LRP11: variants seen among roughly 807,000 people sequenced by gnomAD.
LRP11 encodes the protein LDL receptor related protein 11, also known as low-density lipoprotein receptor-related protein 11.
A neutral mutation model predicts 43.1 loss-of-function variants in LRP11; 25 were observed. That is an observed-to-expected ratio of 0.58 (90% confidence interval 0.42 to 0.81). The LOEUF is 0.81. Ranked by LOEUF, LRP11 falls within the 30% of genes least tolerant of loss-of-function variation. The pLI, the probability that LRP11 is intolerant of heterozygous loss-of-function variation, is 0.00. For missense variants in LRP11, 623 were observed against 665.1 expected (o/e 0.94, Z 0.70); for synonymous variants, 316 against 299.4 (o/e 1.06, Z -0.57).
At chr6:149,863,361 G>A in intron 1 of LRP11, 47 bp downstream of exon 1, 2 of 1,308,242 alleles carry the variant, frequency 1.5e-6, no homozygotes, top group Non-Finnish European at 1.9e-6. Context: ...GGGCGCTGCG[G>A]GTCTCGAGCG....
chr6:149,826,104 G>A, intron 6 of LRP11, 160 bp downstream of exon 6: 1 of 667,384 alleles, frequency 1.5e-6, no homozygotes, highest in Non-Finnish European at 2.8e-6. Context: ...GGAGCCCCAA[G>A]ACGCAGTGCA....
At chr6:149,835,947 C>G in intron 5 of LRP11, 138 bp downstream of exon 5, 1 of 768,422 alleles carries the variant, frequency 1.3e-6, no homozygotes, top group Non-Finnish European at 2.1e-6. Flanking sequence ...TTTCCCCCCG[C>G]CTTTCTGGCC....
At chr6:149,842,259 A>G (rs935103806) in intron 3 of LRP11, among the ~76,000 whole-genome samples, 2 of 152,028 alleles carry the variant, frequency 1.3e-5, no homozygotes, top group East Asian at 1.9e-4. Context: ...TGTTTTTTTA[A>G]TATGTATTTT....
At chr6:149,844,250 CA>C (rs5880856) in intron 2 of LRP11, among the ~76,000 whole-genome samples, 4,212 of 124,962 alleles carry the variant, frequency 0.034, 88 homozygotes, top group African/African-American at 0.074. Context: ...GACTCCATCT[CA>C]AAAAAAAAAA....
intron 1 of LRP11, among the ~76,000 whole-genome samples, chr6:149,858,105 G>C (rs1161001701): frequency 2.0e-5 from 3 of 152,130 alleles, no homozygotes; most frequent in Non-Finnish European, 4.4e-5. Context: ...ACAACGTGCA[G>C]GTTTGTTACA....
At chr6:149,859,160 C>T (rs751844611) in intron 1 of LRP11, among the ~76,000 whole-genome samples, 7 of 151,904 alleles carry the variant, frequency 4.6e-5, no homozygotes, top group Non-Finnish European at 1.0e-4. Context: ...TAGCAATTTA[C>T]ACCATCGGTG....
chr6:149,848,759 G>C (rs1481983927), intron 2 of LRP11, among the ~76,000 whole-genome samples: 7 of 146,010 alleles, frequency 4.8e-5, no homozygotes, highest in Non-Finnish European at 1.5e-5. Flanking sequence ...GAGAGGTTTA[G>C]AAAAAAAACA....
intron 6 of LRP11, among the ~76,000 whole-genome samples, chr6:149,825,382 C>T (rs1776325246): frequency 6.6e-6 from 1 of 152,128 alleles, no homozygotes; most frequent in African/African-American, 2.4e-5. Flanking sequence ...CTGTCTTTGT[C>T]ACTAGGGCAC....
At position 149,837,563 on chromosome 6, in the gene LRP11, G is replaced by A. The variant is rs1384338261; in HGVS notation, c.914-100C>T. On this transcript the variant is annotated intron_variant, in intron 3 of 6. Coordinates refer to ENST00000239367, the MANE Select transcript of LRP11 (RefSeq NM_032832.6). ...CCGTGGGGATGATAAAATGCACTTC[G>A]GGGAAGAGATGCAAATAATGAGGCA... is the stretch of plus-strand genomic sequence containing the variant. 24 of 1,234,160 alleles carry A rather than the reference G, an allele frequency of 1.9e-5. No homozygotes were observed. In the East Asian group the frequency reaches 2.2e-4, roughly 11 times the overall value. The allele number at this position is 1,234,160 out of a possible 1,614,324, so 76.5% of individuals were successfully genotyped here.
At chr6:149,849,135 T>C (rs111659130) in intron 2 of LRP11, among the ~76,000 whole-genome samples, 242 of 152,332 alleles carry the variant, frequency 1.6e-3, no homozygotes, top group Non-Finnish European at 3.0e-3. Flanking sequence ...AAGATAATCA[T>C]TTAGAAAATT....
intron 1 of LRP11, among the ~76,000 whole-genome samples, chr6:149,863,150 T>C (rs986800030): frequency 6.6e-6 from 1 of 152,204 alleles, no homozygotes; most frequent in African/African-American, 2.4e-5. Context: ...TTAAGTCATA[T>C]TTCCACGAAT....
intron 1 of LRP11, among the ~76,000 whole-genome samples, chr6:149,861,505 T>C (rs534426185): frequency 3.2e-4 from 49 of 152,326 alleles, no homozygotes; most frequent in African/African-American, 1.1e-3. Context: ...CTTCTCATAG[T>C]AACCTGAAGT....
intron 2 of LRP11, among the ~76,000 whole-genome samples, chr6:149,844,789 A>G (rs1193960493): frequency 1.3e-5 from 2 of 152,178 alleles, no homozygotes; most frequent in African/African-American, 4.8e-5. Flanking sequence ...ATTTGGACTG[A>G]CTTAGGCTTA....
chr6:149,859,396 A>ATATATATATATATATATATATATATATTT, intron 1 of LRP11, among the ~76,000 whole-genome samples: 6 of 71,488 alleles, frequency 8.4e-5, no homozygotes, highest in East Asian at 1.8e-3. Flanking sequence ...ATATATATAT[A>ATATATATATATATATATATATATATATTT]TTTTTTTTTT....
At chr6:149,840,435 T>C (rs1172704808) in intron 3 of LRP11, among the ~76,000 whole-genome samples, 2 of 152,214 alleles carry the variant, frequency 1.3e-5, no homozygotes, top group Non-Finnish European at 2.9e-5. Context: ...CACCACTCTC[T>C]GCTACTTCAA....
chr6:149,852,362 C>A (rs9478976), intron 2 of LRP11: 7 of 152,184 alleles, frequency 4.6e-5, no homozygotes, highest in Admixed American at 1.3e-4. Flanking sequence ...TTGCCTAAGC[C>A]AGGAATCCAC....
At position 149,863,744 on chromosome 6, in the gene LRP11, C is replaced by T. The variant is rs1172591609; in HGVS notation, c.277G>A (p.Gly93Ser). The change falls in exon 1 of 7, where the codon GGC becomes AGC. Residue 93 changes from glycine (G) to serine (S), a missense_variant. By Grantham distance (56) the Gly-to-Ser change is moderately conservative (BLOSUM62 0). Coordinates refer to ENST00000239367, the MANE Select transcript of LRP11 (RefSeq NM_032832.6). Reference sequence around the variant, plus strand: ...GGCATTGCGCTGTAGCCGCCGCTGCCCGGGCCCGGGCAGTCCTCCTGGGGG... The same window carrying T: ...GGCATTGCGCTGTAGCCGCCGCTGCTCGGGCCCGGGCAGTCCTCCTGGGGG... Reference protein sequence around the residue: ...GGPQEDCPGPGSGGYSAMPDA... With the variant: ...GGPQEDCPGPSSGGYSAMPDA... 6.8e-7 allele frequency: 1 copy of T among 1,478,040 alleles called. No individual in the cohort carries two copies. The highest frequency in any genetic ancestry group is 2.3e-5 in the Admixed American group (1 of 43,082). The allele number at this position is 1,478,040 out of a possible 1,614,324, so 91.6% of individuals were successfully genotyped here. A position where few individuals can be genotyped will look rare whatever the true frequency, so the allele number is the denominator to read the frequency against.
At chr6:149,828,494 C>CTT (rs5880853) in intron 5 of LRP11, among the ~76,000 whole-genome samples, 52 of 145,346 alleles carry the variant, frequency 3.6e-4, no homozygotes, top group African/African-American at 6.8e-4. Context: ...GTTTTATTTT[C>CTT]TTTTTTTTTT....
Position 149,837,397 on chromosome 6 carries a change from A to G in LRP11, c.980T>C (p.Leu327Pro). 6.2e-7 allele frequency: 1 copy of G among 1,614,138 alleles called. No homozygotes were observed. Among genetic ancestry groups the G allele is most frequent in the East Asian group, 2.2e-5 (1 of 44,884 alleles). Residue 327 changes from leucine (L) to proline (P), a missense_variant, in exon 4 of 7, where the codon CTC becomes CCC. Coordinates refer to ENST00000239367, the MANE Select transcript of LRP11 (RefSeq NM_032832.6). ...CDDGCCIDITLACDGVQQCPD... is the reference protein window; with the variant it reads ...CDDGCCIDITPACDGVQQCPD... ...ACACTGCTGCACTCCATCGCAGGCG[A>G]GCGTGATGTCAATGCAGCAGCCATC...
Sources: gnomAD v4.1 joint callset for allele counts (sites outside exome capture counted in the v4.1 genomes callset) on GRCh38, gnomAD v4.1.1 for gene constraint, MANE v1.5 for transcripts, NCBI Gene and HGNC (gene_info 2026-07-23, HGNC 2026-07-21) for gene names.